Variants in SLC1A1 observed in about 807,000 individuals in gnomAD.
SLC1A1 encodes the protein excitatory amino acid transporter 3.
SLC1A1 carries 43 observed loss-of-function variants against 53.3 expected under a neutral mutation model. The ratio of observed to expected loss-of-function variants is 0.81; its 90% confidence interval spans 0.63 to 1.04. SLC1A1 has a LOEUF of 1.04. Ranked by LOEUF, SLC1A1 falls within the 50% of genes least tolerant of loss-of-function variation. The pLI is 0.00. For synonymous variants in SLC1A1, 307 were observed against 243.2 expected, an observed-to-expected ratio of 1.26 and a Z score of -2.44; for missense variants, 748 against 664.9, an observed-to-expected ratio of 1.12 and a Z score of -1.37.
intron 2 of SLC1A1, 122 bp downstream of exon 2, chr9:4,544,829 C>G (rs1817322632): frequency 6.0e-6 from 5 of 840,132 alleles, no homozygotes; most frequent in Non-Finnish European, 9.6e-6. Flanking sequence ...CATCCTGGCT[C>G]AGAAGGTCTC....
intron 1 of SLC1A1, among the ~76,000 whole-genome samples, chr9:4,528,832 C>A (rs1378369306): frequency 6.6e-6 from 1 of 152,114 alleles, no homozygotes. Context: ...CACACTTCAT[C>A]CACGTCTCTT....
At chr9:4,515,787 G>A (rs895108205) in intron 1 of SLC1A1, among the ~76,000 whole-genome samples, 1 of 152,092 alleles carries the variant, frequency 6.6e-6, no homozygotes, top group Non-Finnish European at 1.5e-5. Flanking sequence ...CAGATCAAGG[G>A]TCCTCTTCCA....
At chr9:4,524,795 G>A (rs1318904426) in intron 1 of SLC1A1, among the ~76,000 whole-genome samples, 7 of 152,108 alleles carry the variant, frequency 4.6e-5, no homozygotes, top group Admixed American at 1.3e-4. Flanking sequence ...GGAAAAACCC[G>A]AGGGGTATCC....
At chr9:4,508,177 T>C (rs1247253554) in intron 1 of SLC1A1, among the ~76,000 whole-genome samples, 1 of 151,950 alleles carries the variant, frequency 6.6e-6, no homozygotes, top group African/African-American at 2.4e-5. Flanking sequence ...AGATGATAGG[T>C]AGAATCACCC....
In SLC1A1 at chr9:4,580,227, T is replaced by C. The variant is rs538439600; in HGVS notation, c.1194-2811T>C. On this transcript the variant is annotated intron_variant, in intron 10 of 11. Transcript: ENST00000262352. The stretch of plus-strand genomic sequence containing the variant: ...GCCTAGGCAACAGAGTGAGATTCCA[T>C]CTCAAAGAAAAGAAAGAAAGAAAGA... Among the ~76,000 whole-genome samples, 6 of 136,196 alleles carry C rather than the reference T, an allele frequency of 4.4e-5. No homozygotes were observed. In the East Asian group the frequency reaches 1.2e-3, roughly 28 times the overall value. The allele number at this position is 136,196 out of a possible 152,430, so 89.3% of individuals were successfully genotyped here.
At chr9:4,575,975 C>G (rs763117959) in intron 8 of SLC1A1, 26 bp from the exon 9 acceptor site, 1 of 1,612,660 alleles carries the variant, frequency 6.2e-7, no homozygotes, top group Non-Finnish European at 8.5e-7. Context: ...ATCTTTGAAA[C>G]TTTAATTTCT....
chr9:4,583,131 C>A lies in SLC1A1; in HGVS notation c.1287C>A (p.Pro429=), dbSNP rs139707526. 1.2e-6 allele frequency: 2 copies of A among 1,614,224 alleles called. No homozygotes were observed. The highest frequency in any genetic ancestry group is 1.7e-5 in the Admixed American group (1 of 60,028). Reference sequence around the variant, plus strand: ...TTGTGCTGAGTGCCGTGGGCCTGCCCGCCGAGGATGTCACCCTGATCATTG... The same window carrying A: ...TTGTGCTGAGTGCCGTGGGCCTGCCAGCCGAGGATGTCACCCTGATCATTG... ...MVIVLSAVGL[P]AEDVTLIIAV... is the part of the protein sequence containing the mutation. Residue 429 remains proline (P), a synonymous_variant, in exon 11 of 12, where the codon CCC becomes CCA. Coordinates refer to ENST00000262352, the MANE Select transcript of SLC1A1 (RefSeq NM_004170.6). The surrounding 1 kb of genome is among the most constrained non-coding windows in gnomAD (Gnocchi z 4.6).
intron 3 of SLC1A1, among the ~76,000 whole-genome samples, chr9:4,561,781 C>T (rs952196888): frequency 2.0e-5 from 3 of 152,276 alleles, no homozygotes; most frequent in East Asian, 1.9e-4. Context: ...GTCCCAGCTA[C>T]TTGGGAGGCT....
At chr9:4,539,404 T>G (rs915465947) in intron 1 of SLC1A1, among the ~76,000 whole-genome samples, 11 of 152,162 alleles carry the variant, frequency 7.2e-5, no homozygotes, top group African/African-American at 2.7e-4. Flanking sequence ...CTTCAGAACC[T>G]CTGAGACAAG....
At chr9:4,506,803 G>T (rs1488276054) in intron 1 of SLC1A1, among the ~76,000 whole-genome samples, 1 of 152,144 alleles carries the variant, frequency 6.6e-6, no homozygotes, top group African/African-American at 2.4e-5. Context: ...CACAGTGTGT[G>T]GAGTATGCAG....
rs953249946 is a variant in SLC1A1 at position 4,559,451 on chromosome 9, T to A, written c.233-1998T>A. Among the ~76,000 whole-genome samples the A allele has an allele frequency of 6.1e-5, 9 of 146,344 alleles. No individual in the cohort carries two copies. In the Admixed American group the frequency reaches 6.3e-4, roughly 10 times the overall value. On this transcript the variant is annotated intron_variant, in intron 2 of 11. Transcript: ENST00000262352. ...TGTGTTTAGAGTGAGAAATGACTTG[T>A]TCTGTCATCATAATGGTGATCACTT...
intron 10 of SLC1A1, among the ~76,000 whole-genome samples, chr9:4,578,979 C>T (rs1178101279): frequency 6.6e-6 from 1 of 152,144 alleles, no homozygotes; most frequent in East Asian, 1.9e-4. Flanking sequence ...TGTGTCCCAG[C>T]CTAAACATAA....
chr9:4,584,441 A>G (rs1821402356), intron 11 of SLC1A1, among the ~76,000 whole-genome samples: 1 of 152,180 alleles, frequency 6.6e-6, no homozygotes, highest in Non-Finnish European at 1.5e-5. Context: ...AGATACCCAG[A>G]TGAGTCAAAG....
intron 2 of SLC1A1, among the ~76,000 whole-genome samples, chr9:4,554,961 G>C (rs1351047656): frequency 6.6e-6 from 1 of 152,234 alleles, no homozygotes; most frequent in Non-Finnish European, 1.5e-5. Context: ...TCTGGGCACT[G>C]TACTAGGCCT....
intron 1 of SLC1A1, among the ~76,000 whole-genome samples, chr9:4,503,797 C>A (rs1041433819): frequency 6.6e-6 from 1 of 151,876 alleles, no homozygotes; most frequent in African/African-American, 2.4e-5. Flanking sequence ...ATTGTACTTA[C>A]TTCACAGGAG....
intron 1 of SLC1A1, among the ~76,000 whole-genome samples, chr9:4,513,439 A>G (rs1386286567): frequency 1.3e-5 from 2 of 152,240 alleles, no homozygotes; most frequent in Non-Finnish European, 2.9e-5. Flanking sequence ...GATGGCAAAT[A>G]AACACATGAA....
chr9:4,514,186 C>G (rs1414131657), intron 1 of SLC1A1, among the ~76,000 whole-genome samples: 4 of 152,136 alleles, frequency 2.6e-5, no homozygotes, highest in Non-Finnish European at 4.4e-5. Flanking sequence ...ATTGTATGAT[C>G]AACACATGTA....
At chr9:4,548,797 A>G (rs1817691055) in intron 2 of SLC1A1, among the ~76,000 whole-genome samples, 1 of 152,196 alleles carries the variant, frequency 6.6e-6, no homozygotes. Context: ...AAACAGAAAA[A>G]AAAAATGGCA....
At chr9:4,562,873 A>G (rs1819094394) in intron 3 of SLC1A1, among the ~76,000 whole-genome samples, 2 of 149,880 alleles carry the variant, frequency 1.3e-5, no homozygotes. Context: ...GCCGCAATAA[A>G]CATACGTGTG....
Sources: allele counts gnomAD v4.1 joint callset (sites outside exome capture counted in the v4.1 genomes callset), GRCh38; gene constraint gnomAD v4.1.1; non-coding constraint Gnocchi (gnomAD v3.1); transcripts MANE v1.5; gene names NCBI Gene and HGNC (gene_info 2026-07-23, HGNC 2026-07-21).